The following NXPH1 variants were observed in gnomAD, a reference collection of about 807,000 sequenced individuals.
The protein encoded by NXPH1 is neurexophilin-1.
A neutral mutation model predicts 23.7 loss-of-function variants in NXPH1; 5 were observed. The ratio of observed to expected loss-of-function variants is 0.21; its 90% confidence interval spans 0.11 to 0.44. NXPH1 has a LOEUF of 0.44. Ranked by LOEUF, NXPH1 falls within the 20% of genes least tolerant of loss-of-function variation. NXPH1 has a pLI of 0.99. For synonymous variants in NXPH1, 144 were observed against 122.2 expected, an observed-to-expected ratio of 1.18 and a Z score of -1.18; for missense variants, 324 against 321.6, an observed-to-expected ratio of 1.01 and a Z score of -0.06.
chr7:8,452,744 T>C (rs1467753842), intron 2 of NXPH1, among the ~76,000 whole-genome samples: 2 of 152,146 alleles, frequency 1.3e-5, no homozygotes, highest in African/African-American at 4.8e-5. Flanking sequence ...TTTTCCTAAA[T>C]TTCTTAGGAT....
chr7:8,470,784 T>G (rs1361281676), intron 2 of NXPH1, among the ~76,000 whole-genome samples: 1 of 152,186 alleles, frequency 6.6e-6, no homozygotes, highest in Non-Finnish European at 1.5e-5. Context: ...GTTGCAAAGG[T>G]CCTACTTTTG....
intron 2 of NXPH1, among the ~76,000 whole-genome samples, chr7:8,563,682 C>T (rs1177413801): frequency 6.6e-6 from 1 of 151,618 alleles, no homozygotes; most frequent in Non-Finnish European, 1.5e-5. Context: ...GAAAAGGTTA[C>T]CCATTTGGAA....
intron 2 of NXPH1, among the ~76,000 whole-genome samples, chr7:8,586,228 C>T (rs1392284372): frequency 2.0e-5 from 3 of 152,030 alleles, no homozygotes; most frequent in Non-Finnish European, 2.9e-5. Flanking sequence ...TCCCAAAACA[C>T]GCTGTTTGGG....
chr7:8,611,118 C>A (rs1819609848), intron 2 of NXPH1, among the ~76,000 whole-genome samples: 2 of 152,106 alleles, frequency 1.3e-5, no homozygotes, highest in Non-Finnish European at 2.9e-5. Context: ...CTAGTTGCCA[C>A]ATCATTGTAC....
intron 2 of NXPH1, among the ~76,000 whole-genome samples, chr7:8,635,622 T>C (rs1820207919): frequency 6.6e-6 from 1 of 152,200 alleles, no homozygotes; most frequent in Admixed American, 6.5e-5. Context: ...TGCCAGAACG[T>C]TGGAGAGTGA....
intron 2 of NXPH1, among the ~76,000 whole-genome samples, chr7:8,480,285 G>A (rs945493365): frequency 6.6e-6 from 1 of 152,120 alleles, no homozygotes; most frequent in Non-Finnish European, 1.5e-5. Context: ...AGAAAAAAAG[G>A]TTGGATGGAA....
chr7:8,478,377 A>G (rs1273472480), intron 2 of NXPH1, among the ~76,000 whole-genome samples: 2 of 152,134 alleles, frequency 1.3e-5, no homozygotes, highest in Non-Finnish European at 1.5e-5. Context: ...AACTCCAGAA[A>G]CAATCAGAAA....
chr7:8,629,814 T>C lies in NXPH1; in HGVS notation c.55-121194T>C, dbSNP rs186402429. On this transcript the variant is annotated intron_variant, in intron 2 of 2. Transcript: ENST00000405863. ...GGACTTTTTAAAACACAGTTGTAGCTGCACAAAGTAAAGTGGGGAGTTTAG... is the reference window on the plus strand; with the variant it reads ...GGACTTTTTAAAACACAGTTGTAGCCGCACAAAGTAAAGTGGGGAGTTTAG... 3.1e-4 allele frequency among the ~76,000 whole-genome samples: 47 copies of C among 152,312 alleles called. No individual in the cohort carries two copies. In the East Asian group the frequency reaches 9.1e-3, roughly 29 times the overall value.
intron 2 of NXPH1, among the ~76,000 whole-genome samples, chr7:8,581,200 T>C (rs1818862617): frequency 1.3e-5 from 2 of 152,208 alleles, no homozygotes; most frequent in Non-Finnish European, 2.9e-5. Context: ...TTTAAAAATA[T>C]ATACTTATTA....
intron 2 of NXPH1, among the ~76,000 whole-genome samples, chr7:8,471,044 G>C (rs949742966): frequency 4.6e-5 from 7 of 152,056 alleles, no homozygotes; most frequent in Non-Finnish European, 2.9e-5. Flanking sequence ...GGGTGATTGG[G>C]GTAGTGGGCA....
At chr7:8,715,948 A>T (rs1392104254) in intron 2 of NXPH1, among the ~76,000 whole-genome samples, 1 of 151,968 alleles carries the variant, frequency 6.6e-6, no homozygotes, top group East Asian at 1.9e-4. Context: ...TATATATATA[A>T]ATGTATTAGC....
intron 2 of NXPH1, among the ~76,000 whole-genome samples, chr7:8,546,314 G>A (rs1189604994): frequency 6.6e-6 from 1 of 151,380 alleles, no homozygotes; most frequent in Non-Finnish European, 1.5e-5. Context: ...AAATATGGAG[G>A]AAAGTATGTT....
At chr7:8,526,903 T>C (rs1817870038) in intron 2 of NXPH1, among the ~76,000 whole-genome samples, 1 of 152,182 alleles carries the variant, frequency 6.6e-6, no homozygotes, top group South Asian at 2.1e-4. Context: ...AAATATATTG[T>C]CGTGCATAAA....
At chr7:8,634,499 C>T (rs890881095) in intron 2 of NXPH1, among the ~76,000 whole-genome samples, 1 of 151,940 alleles carries the variant, frequency 6.6e-6, no homozygotes, top group Non-Finnish European at 1.5e-5. Context: ...ACTAATACAC[C>T]TGGATAATGA....
intron 2 of NXPH1, among the ~76,000 whole-genome samples, chr7:8,713,358 A>G (rs1027977113): frequency 6.6e-6 from 1 of 152,046 alleles, no homozygotes; most frequent in East Asian, 1.9e-4. Context: ...TCTCTGTGTT[A>G]TCTTGAATTT....
At chr7:8,488,175 C>G (rs1325318501) in intron 2 of NXPH1, among the ~76,000 whole-genome samples, 2 of 152,052 alleles carry the variant, frequency 1.3e-5, no homozygotes, top group South Asian at 2.1e-4. Context: ...AAGCATTATC[C>G]TACAGTAGGT....
chr7:8,584,543 C>A (rs945554770), intron 2 of NXPH1, among the ~76,000 whole-genome samples: 3 of 152,094 alleles, frequency 2.0e-5, no homozygotes, highest in African/African-American at 7.2e-5. Flanking sequence ...TCTATAGAGA[C>A]AAATACACAC....
intron 2 of NXPH1, among the ~76,000 whole-genome samples, chr7:8,690,556 C>T (rs190768608): frequency 2.0e-5 from 3 of 152,186 alleles, no homozygotes; most frequent in East Asian, 3.9e-4. Flanking sequence ...ATGATATCAA[C>T]AAACATTTCA....
chr7:8,739,977 A>G (rs1780333267), intron 2 of NXPH1, among the ~76,000 whole-genome samples: 1 of 152,190 alleles, frequency 6.6e-6, no homozygotes, highest in African/African-American at 2.4e-5. Flanking sequence ...CTTTGTCTGA[A>G]CATCAGTAGG....
Sources: gnomAD v4.1 joint callset for allele counts (sites outside exome capture counted in the v4.1 genomes callset) on GRCh38, gnomAD v4.1.1 for gene constraint, MANE v1.5 for transcripts, NCBI Gene and HGNC (gene_info 2026-07-23, HGNC 2026-07-21) for gene names.